Variants in GUCY2C observed in about 807,000 individuals in gnomAD.
GUCY2C encodes the protein guanylate cyclase 2C, also known as guanylyl cyclase C.
A neutral mutation model predicts 131.1 loss-of-function variants in GUCY2C; 118 were observed. The ratio of observed to expected loss-of-function variants is 0.90; its 90% CI spans 0.78 to 1.05. GUCY2C has a LOEUF of 1.05. GUCY2C is among the 50% of genes least tolerant of loss of function. The probability of loss-of-function intolerance (pLI) is 0.00; values close to 1 mark genes in which losing one functional copy is unlikely to be tolerated. For missense variants in GUCY2C, 1,161 were observed against 1,304.4 expected, an observed-to-expected ratio of 0.89 and a Z score of 1.69; for synonymous variants, 452 against 457.8, an observed-to-expected ratio of 0.99 and a Z score of 0.16.
chr12:14,692,857 T>C (rs1329778411), intron 1 of GUCY2C, among the ~76,000 whole-genome samples: 1 of 152,026 alleles, frequency 6.6e-6, no homozygotes, highest in Non-Finnish European at 1.5e-5. Context: ...CCCGAATAAA[T>C]AAATAAATAA....
In GUCY2C at chr12:14,674,754, G is replaced by A. The variant is rs760164631; in HGVS notation, c.955C>T (p.Arg319Ter). ...SFSRNLSPTK[R>*]DFALAYLNGI... ...TTCAAATAGGCAAGAGCAAAGTCTC[G>A]TTTTGTCTAAATAAAAAAGGAAAAT... The change falls in exon 8 of 27, where the codon CGA becomes TGA. Residue 319 changes from arginine (R) to a stop codon, truncating the protein, a stop_gained. Coordinates refer to ENST00000261170, the MANE Select transcript of GUCY2C (RefSeq NM_004963.4). LOFTEE classifies it high-confidence loss of function. 21 of 1,601,622 alleles carry A rather than the reference G, an allele frequency of 1.3e-5. No homozygotes were observed. The highest frequency in any genetic ancestry group is 6.7e-5 in the South Asian group (6 of 89,654).
chr12:14,664,706 G>A (rs1267834755), intron 10 of GUCY2C, among the ~76,000 whole-genome samples: 1 of 152,116 alleles, frequency 6.6e-6, no homozygotes, highest in Non-Finnish European at 1.5e-5. Flanking sequence ...TGATATTACG[G>A]TTGGAAGGAA....
chr12:14,621,135 T>C lies in GUCY2C; in HGVS notation c.2683A>G (p.Lys895Glu). 6.2e-7 allele frequency: 1 copy of C among 1,613,854 alleles called. No individual in the cohort carries two copies. Among genetic ancestry groups the C allele is most frequent in the Non-Finnish European group, 8.5e-7 (1 of 1,179,756 alleles). Residue 895 changes from lysine to glutamate, a missense_variant, in exon 23 of 27, where the codon AAG (lysine) becomes GAG (glutamate). Coordinates refer to ENST00000261170, the MANE Select transcript of GUCY2C (RefSeq NM_004963.4). The part of the protein sequence containing the change: ...NGNRHAIDIA[K>E]MALEILSFMG... Reference sequence around the variant, plus strand: ...AAGCTGAGGATTTCCAAGGCCATCTTGGCAATGTCTATTGCATGCCGATTG... The same window carrying C: ...AAGCTGAGGATTTCCAAGGCCATCTCGGCAATGTCTATTGCATGCCGATTG...
chr12:14,695,858 A>G lies in GUCY2C; in HGVS notation c.217+374T>C, dbSNP rs182817220. 2.1e-3 allele frequency among the ~76,000 whole-genome samples: 323 copies of G among 152,156 alleles called. 1 individual carries two copies. The highest frequency in any genetic ancestry group is 7.6e-3 in the African/African-American group (314 of 41,500). ...CTTTTTGAAGAGATGGAGTCTTGCT[A>G]TGTTGCCCAGGCTGGTCTTGAACTC... On this transcript the variant is annotated intron_variant, in intron 1 of 26. Coordinates refer to ENST00000261170, the MANE Select transcript of GUCY2C (RefSeq NM_004963.4).
intron 19 of GUCY2C, among the ~76,000 whole-genome samples, chr12:14,633,301 A>G (rs964327694): frequency 7.2e-5 from 11 of 152,326 alleles, no homozygotes; most frequent in African/African-American, 2.6e-4. Context: ...GGGAAATAAC[A>G]GACCCACTCA....
rs1396197637 is a variant in GUCY2C at position 14,651,441 on chromosome 12, C to G, written c.1676G>C (p.Gly559Ala). 1 of 1,601,916 alleles carries G rather than the reference C, an allele frequency of 6.2e-7. No homozygotes were observed. The highest frequency in any genetic ancestry group is 1.1e-5 in the South Asian group (1 of 90,814). ...TCCTCTCTCACAGTATTCTATCACC[C>G]CGAAGATCATGGTATCAAGTTTCAC... ...GTVKLDTMIFGVIEYCERGSL... is the reference protein window; with the variant it reads ...GTVKLDTMIFAVIEYCERGSL... The change falls in exon 15 of 27, where the codon GGG becomes GCG. Residue 559 changes from glycine (G) to alanine (A), a missense_variant. By Grantham distance (60) the Gly-to-Ala change is moderately conservative. Transcript: ENST00000261170.
At chr12:14,632,609 T>C (rs1947170308) in intron 19 of GUCY2C, among the ~76,000 whole-genome samples, 1 of 152,204 alleles carries the variant, frequency 6.6e-6, no homozygotes, top group African/African-American at 2.4e-5. Context: ...AATCATTAGA[T>C]GGTATTTATA....
chr12:14,687,634 C>A (rs2137104638), intron 2 of GUCY2C, among the ~76,000 whole-genome samples: 1 of 152,196 alleles, frequency 6.6e-6, no homozygotes, highest in South Asian at 2.1e-4. Context: ...AACAAACAAA[C>A]AAACACCCAA....
intron 15 of GUCY2C, among the ~76,000 whole-genome samples, chr12:14,645,639 A>G (rs967663130): frequency 2.0e-5 from 3 of 152,238 alleles, no homozygotes; most frequent in Non-Finnish European, 4.4e-5. Context: ...TGTCTCATCT[A>G]AATTGGACCC....
At chr12:14,659,100 C>A (rs551925640) in intron 11 of GUCY2C, among the ~76,000 whole-genome samples, 1 of 151,324 alleles carries the variant, frequency 6.6e-6, no homozygotes, top group African/African-American at 2.4e-5. Flanking sequence ...GGCTGGAGTG[C>A]AGTGGTGCGA....
rs182070434 is a variant in GUCY2C, at chr12:14,655,562, A to G, written c.1470+950T>C. ...CAGAGACAAACTTAAGCCAAATGCA[A>G]TTTTATTCCTGCTGATTTTAAGCAA... On this transcript the variant is annotated intron_variant, in intron 12 of 26. Coordinates refer to ENST00000261170, the MANE Select transcript of GUCY2C (RefSeq NM_004963.4). Among the ~76,000 whole-genome samples, 14 of 152,254 alleles carry G rather than the reference A, an allele frequency of 9.2e-5. No homozygotes were observed. In the East Asian group the frequency reaches 2.5e-3, roughly 27 times the overall value.
intron 8 of GUCY2C, chr12:14,674,373 A>C: frequency 2.0e-6 from 1 of 508,548 alleles, no homozygotes; most frequent in East Asian, 3.6e-5. Context: ...GAGCTTGTTC[A>C]TAAGTACAGA....
intron 6 of GUCY2C, among the ~76,000 whole-genome samples, chr12:14,678,292 G>A (rs995248444): frequency 3.9e-5 from 6 of 152,190 alleles, no homozygotes; most frequent in African/African-American, 9.6e-5. Context: ...ACAACCAGAA[G>A]TGTCAGAATT....
intron 15 of GUCY2C, among the ~76,000 whole-genome samples, chr12:14,649,764 C>T (rs1226300552): frequency 2.0e-5 from 3 of 151,994 alleles, no homozygotes; most frequent in Non-Finnish European, 2.9e-5. Context: ...AAATTAGAAA[C>T]GTTTTTCACA....
chr12:14,690,173 T>A (rs1390255799), intron 1 of GUCY2C, among the ~76,000 whole-genome samples: 1 of 152,238 alleles, frequency 6.6e-6, no homozygotes, highest in Non-Finnish European at 1.5e-5. Flanking sequence ...ACTCACACAT[T>A]TCTCCTCTTA....
chr12:14,659,145 A>G (rs1465226922), intron 11 of GUCY2C, among the ~76,000 whole-genome samples: 1 of 151,728 alleles, frequency 6.6e-6, no homozygotes, highest in Non-Finnish European at 1.5e-5. Context: ...TCCCGGGTTC[A>G]AGATCTTCCT....
chr12:14,629,264 G>T lies in GUCY2C; in HGVS notation c.2158-527C>A, dbSNP rs10744074. ...TTTAGGATTAAACAACTTTTATTGG[G>T]GGTCTGAAGAAACTCCCCAGGCCTC... On this transcript the variant is annotated intron_variant, in intron 19 of 26. Transcript: ENST00000261170. Among the ~76,000 whole-genome samples, 30 of 152,088 alleles carry T rather than the reference G, an allele frequency of 2.0e-4. 1 individual carries two copies. In the South Asian group the frequency reaches 3.3e-3, roughly 17 times the overall value.
At chr12:14,690,699 A>C (rs1388592827) in intron 1 of GUCY2C, among the ~76,000 whole-genome samples, 3 of 151,884 alleles carry the variant, frequency 2.0e-5, no homozygotes, top group African/African-American at 7.3e-5. Flanking sequence ...CCACCACCAC[A>C]CCCGGCTAAT....
intron 1 of GUCY2C, among the ~76,000 whole-genome samples, chr12:14,688,280 A>G (rs970999650): frequency 2.0e-5 from 3 of 149,048 alleles, no homozygotes; most frequent in African/African-American, 7.3e-5. Context: ...CTCTCTCAAC[A>G]GTTTTATTGA....
Sources: allele counts gnomAD v4.1 joint callset (sites outside exome capture counted in the v4.1 genomes callset), GRCh38; gene constraint gnomAD v4.1.1; transcripts MANE v1.5; gene names NCBI Gene and HGNC (gene_info 2026-07-23, HGNC 2026-07-21).